KIF13A: variants seen among roughly 807,000 people sequenced by gnomAD.
KIF13A encodes kinesin-like protein KIF13A.
In KIF13A, 79 loss-of-function variants were observed where a neutral mutation model predicts 212.2. The observed-to-expected ratio is 0.37, with a 90% CI of 0.31 to 0.45. The LOEUF is 0.45. Among genes scored for constraint, KIF13A ranks in the 20% least tolerant of loss-of-function variants. KIF13A has a pLI of 1.00. For missense variants in KIF13A, 1,901 were observed against 2,209.0 expected, an observed-to-expected ratio of 0.86 and a Z score of 2.79; for synonymous variants, 789 against 808.6, an observed-to-expected ratio of 0.98 and a Z score of 0.41.
In KIF13A at chr6:17,825,602, C is replaced by T. The variant is rs115512051; in HGVS notation, c.1786+166G>A. 3.7e-3 allele frequency among the ~76,000 whole-genome samples: 566 copies of T among 152,266 alleles called. 8 individuals are homozygous for T. Among genetic ancestry groups the T allele is most frequent in the African/African-American group, 0.013 (537 of 41,558 alleles). ...AACTGAGGGAGAAGACCATCTCCCC[C>T]ACATCTTGTCATTAGTTATTCACTG... is the stretch of plus-strand genomic sequence containing the variant. On this transcript the variant is annotated intron_variant, in intron 16 of 38. Coordinates refer to ENST00000259711, the MANE Select transcript of KIF13A (RefSeq NM_022113.6). The surrounding 1 kb of genome is among the most constrained non-coding windows in gnomAD (Gnocchi z 4.5).
At position 17,987,134 on chromosome 6, in the gene KIF13A, C is replaced by T. The variant is rs769025134; in HGVS notation, c.66G>A (p.Leu22=). The T allele has an allele frequency of 1.9e-5, 31 of 1,611,984 alleles. No homozygotes were observed. In the Admixed American group the frequency reaches 5.0e-4, roughly 26 times the overall value. Residue 22 remains leucine (L), a synonymous_variant, in exon 2 of 39, where the codon CTG becomes CTA. Coordinates refer to ENST00000259711, the MANE Select transcript of KIF13A (RefSeq NM_022113.6). The surrounding 1 kb of genome is among the most constrained non-coding windows in gnomAD (Gnocchi z 7.7). ...CCATCTCCACCACGCACTTGGTGTTCAGTTCCAGTTCTGAAAGCAGAGAGA... is the reference window on the plus strand; with the variant it reads ...CCATCTCCACCACGCACTTGGTGTTTAGTTCCAGTTCTGAAAGCAGAGAGA... ...VRPMNRRELE[L]NTKCVVEMEG... is the part of the protein sequence containing the mutation.
Position 17,811,304 on chromosome 6 carries a change from T to C in KIF13A, c.2001-2374A>G, listed in dbSNP as rs528692046. Among the ~76,000 whole-genome samples the C allele has an allele frequency of 6.6e-6, 1 of 152,276 alleles. No individual in the cohort carries two copies. Among genetic ancestry groups the C allele is most frequent in the South Asian group, 2.1e-4 (1 of 4,824 alleles). ...TCACACAATCAATGCATACAATATT[T>C]ACTAAATACCTACCAGGTGACCACA... On this transcript the variant is annotated intron_variant, in intron 17 of 38. Transcript: ENST00000259711. This position sits in a 1 kb window ranked among gnomAD's most constrained non-coding sequence, Gnocchi z 6.0.
In KIF13A at chr6:17,812,167, T is replaced by C. The variant is rs1032382281; in HGVS notation, c.2001-3237A>G. On this transcript the variant is annotated intron_variant, in intron 17 of 38. Transcript: ENST00000259711. Reference sequence around the variant, plus strand: ...AAACCACCTTCTTTATCAGATACTTTTGTTTTTTAAAATTTAAATATTTTG... The same window carrying C: ...AAACCACCTTCTTTATCAGATACTTCTGTTTTTTAAAATTTAAATATTTTG... 1.4e-4 allele frequency: 22 copies of C among 152,332 alleles called. 1 individual carries two copies. The highest frequency in any genetic ancestry group is 5.3e-4 in the African/African-American group (22 of 41,570). 9.4% of individuals were successfully genotyped at this position (152,332 alleles called of 1,614,324 possible).
intron 2 of KIF13A, among the ~76,000 whole-genome samples, chr6:17,969,747 C>G (rs936273870): frequency 6.6e-6 from 1 of 152,120 alleles, no homozygotes; most frequent in Admixed American, 6.5e-5. Context: ...TACCCCAGAA[C>G]TGTTTACTTG....
intron 12 of KIF13A, among the ~76,000 whole-genome samples, chr6:17,833,658 C>A (rs895695945): frequency 6.6e-6 from 1 of 151,906 alleles, no homozygotes; most frequent in Non-Finnish European, 1.5e-5. Context: ...GAGTTTGAGA[C>A]CAGCCTGGCC....
Position 17,825,909 on chromosome 6 carries a change from G to C in KIF13A, c.1645C>G (p.Arg549Gly). ...TTTTCAAAGTCTTTCAACCAATCTC[G>C]ACGTTTCCTCTTAGGTAAGTTTATT... Reference protein sequence around the residue: ...FRINLPKRKRRDWLKDFEKET... With the variant: ...FRINLPKRKRGDWLKDFEKET... Residue 549 changes from arginine (R) to glycine (G), a missense_variant, in exon 16 of 39, where the codon CGA becomes GGA. By Grantham distance (125) the Arg-to-Gly change is moderately radical. Transcript: ENST00000259711. This position sits in a 1 kb window ranked among gnomAD's most constrained non-coding sequence, Gnocchi z 4.5. The C allele has an allele frequency of 6.2e-7, 1 of 1,613,902 alleles. No homozygotes were observed. The highest frequency in any genetic ancestry group is 8.5e-7 in the Non-Finnish European group (1 of 1,179,874).
rs1045982682 is a variant in KIF13A, at chr6:17,934,059, G to T, written c.147-35879C>A. Among the ~76,000 whole-genome samples, 3 of 152,058 alleles carry T rather than the reference G, an allele frequency of 2.0e-5. No individual in the cohort carries two copies. The highest frequency in any genetic ancestry group is 4.4e-5 in the Non-Finnish European group (3 of 68,028). ...AACTCAATTCAATCTAAATTGTGTC[G>T]TTAGGGTCAACTTTTATTTTTTTTT... is the stretch of plus-strand genomic sequence containing the variant. On this transcript the variant is annotated intron_variant, in intron 2 of 38. Transcript: ENST00000259711. The surrounding 1 kb of genome is among the most constrained non-coding windows in gnomAD (Gnocchi z 5.4).
chr6:17,960,848 C>T (rs942487689), intron 2 of KIF13A, among the ~76,000 whole-genome samples: 47 of 152,252 alleles, frequency 3.1e-4, no homozygotes, highest in Middle Eastern at 3.4e-3. Context: ...CTACTGACTT[C>T]GTCATCAAGG....
rs1411748075 is a variant in KIF13A at position 17,963,580 on chromosome 6, C to T, written c.146+23474G>A. The stretch of plus-strand genomic sequence containing the variant: ...GTTCTATATCTTTCTTTTTTTGAGA[C>T]AGAGTCTTGCTGTGTCGCCTAGGCT... On this transcript the variant is annotated intron_variant, in intron 2 of 38. Coordinates refer to ENST00000259711, the MANE Select transcript of KIF13A (RefSeq NM_022113.6). This position sits in a 1 kb window ranked among gnomAD's most constrained non-coding sequence, Gnocchi z 4.1. Among the ~76,000 whole-genome samples, 1 of 152,124 alleles carries T rather than the reference C, an allele frequency of 6.6e-6. No individual in the cohort carries two copies. The highest frequency in any genetic ancestry group is 2.4e-5 in the African/African-American group (1 of 41,422).
intron 11 of KIF13A, among the ~76,000 whole-genome samples, chr6:17,836,326 T>C (rs553001932): frequency 1.3e-5 from 2 of 152,342 alleles, no homozygotes; most frequent in East Asian, 3.9e-4. Context: ...TAATAGTTTA[T>C]AATGTTAATA....
rs1021299260 is a variant in KIF13A, at chr6:17,796,800, T to C, written c.2811A>G (p.Thr937=). The C allele has an allele frequency of 1.3e-6, 2 of 1,570,364 alleles. No homozygotes were observed. Among genetic ancestry groups the C allele is most frequent in the African/African-American group, 1.4e-5 (1 of 72,768 alleles). ...SHCKDYVVNV[T]EEFLEFISDG... ...CTGAAATGAACTCCAGAAATTCTTCTGTTACATTCACCACATAGTCCTGGG... is the reference window on the plus strand; with the variant it reads ...CTGAAATGAACTCCAGAAATTCTTCCGTTACATTCACCACATAGTCCTGGG... The change falls in exon 23 of 39, where the codon ACA becomes ACG. Residue 937 remains threonine, a synonymous_variant. Transcript: ENST00000259711.
Position 17,967,403 on chromosome 6 carries a change from A to C in KIF13A, c.146+19651T>G, listed in dbSNP as rs1779424416. 6.6e-6 allele frequency among the ~76,000 whole-genome samples: 1 copy of C among 152,242 alleles called. No individual in the cohort carries two copies. Among genetic ancestry groups the C allele is most frequent in the South Asian group, 2.1e-4 (1 of 4,834 alleles). ...TATATTTTCAAAGTGTTCAACAGTGAATGGGCATCACATTTATAATTAGAA... is the reference window on the plus strand; with the variant it reads ...TATATTTTCAAAGTGTTCAACAGTGCATGGGCATCACATTTATAATTAGAA... On this transcript the variant is annotated intron_variant, in intron 2 of 38. Coordinates refer to ENST00000259711, the MANE Select transcript of KIF13A (RefSeq NM_022113.6). This position sits in a 1 kb window ranked among gnomAD's most constrained non-coding sequence, Gnocchi z 4.1.
rs1230948298 is a variant in KIF13A at position 17,843,008 on chromosome 6, C to T, written c.831-5425G>A. Among the ~76,000 whole-genome samples, 4 of 151,930 alleles carry T rather than the reference C, an allele frequency of 2.6e-5. No individual in the cohort carries two copies. The highest frequency in any genetic ancestry group is 2.1e-4 in the South Asian group (1 of 4,806). ...TTCAAATATTATTTTACTTATTAGT[C>T]CAATAATCAGTTCTAAGATCATATA... On this transcript the variant is annotated intron_variant, in intron 9 of 38. Coordinates refer to ENST00000259711, the MANE Select transcript of KIF13A (RefSeq NM_022113.6). The surrounding 1 kb of genome is among the most constrained non-coding windows in gnomAD (Gnocchi z 5.3).
Position 17,800,747 on chromosome 6 carries a change from C to G in KIF13A, c.2455-634G>C, listed in dbSNP as rs150145912. 2.6e-3 allele frequency among the ~76,000 whole-genome samples: 393 copies of G among 152,010 alleles called. 1 individual carries two copies. The highest frequency in any genetic ancestry group is 0.01 in the Middle Eastern group (3 of 294). On this transcript the variant is annotated intron_variant, in intron 20 of 38. Transcript: ENST00000259711. Reference sequence around the variant, plus strand: ...TCCCAAGTAGCTGGGATTACAGGTGCCTGCCACCATGCCTAGCTAATTTTT... The same window carrying G: ...TCCCAAGTAGCTGGGATTACAGGTGGCTGCCACCATGCCTAGCTAATTTTT...
intron 2 of KIF13A, chr6:17,950,803 A>T (rs1777782165): frequency 2.0e-6 from 2 of 978,640 alleles, no homozygotes; most frequent in Non-Finnish European, 2.4e-6. Context: ...AAGGACTTTT[A>T]AATCTTTCTT....
intron 9 of KIF13A, among the ~76,000 whole-genome samples, chr6:17,846,604 T>TAAAA (rs11431431): frequency 3.1e-5 from 4 of 127,018 alleles, no homozygotes; most frequent in African/African-American, 3.0e-5. Flanking sequence ...CCCATTTCTT[T>TAAAA]AAAAAAAAAA....
At position 17,932,705 on chromosome 6, in the gene KIF13A, C is replaced by T. The variant is rs140577377; in HGVS notation, c.147-34525G>A. Among the ~76,000 whole-genome samples the T allele has an allele frequency of 2.1e-3, 315 of 152,052 alleles. 1 individual carries two copies. The highest frequency in any genetic ancestry group is 7.3e-3 in the African/African-American group (302 of 41,466). Reference sequence around the variant, plus strand: ...AGCACTACTGTACAGATTCCAGAAACGCTATGCAAGCTCCTACAGCTTGTA... The same window carrying T: ...AGCACTACTGTACAGATTCCAGAAATGCTATGCAAGCTCCTACAGCTTGTA... On this transcript the variant is annotated intron_variant, in intron 2 of 38. Coordinates refer to ENST00000259711, the MANE Select transcript of KIF13A (RefSeq NM_022113.6).
chr6:17,785,451 G>T lies in KIF13A; in HGVS notation c.3488+64C>A. Reference sequence around the variant, plus strand: ...GACAATCCTGGAAAGTCTCTTGCATGGCTCTTGCCACAGGCGACCTGTACC... The same window carrying T: ...GACAATCCTGGAAAGTCTCTTGCATTGCTCTTGCCACAGGCGACCTGTACC... On this transcript the variant is annotated intron_variant, in intron 28 of 38. Transcript: ENST00000259711. The surrounding 1 kb of genome is among the most constrained non-coding windows in gnomAD (Gnocchi z 5.8). 7.0e-7 allele frequency: 1 copy of T among 1,435,750 alleles called. No individual in the cohort carries two copies. 88.9% of individuals were successfully genotyped at this position (1,435,750 alleles called of 1,614,324 possible).
At chr6:17,878,200 A>G (rs1169926508) in intron 3 of KIF13A, among the ~76,000 whole-genome samples, 1 of 152,218 alleles carries the variant, frequency 6.6e-6, no homozygotes, top group Non-Finnish European at 1.5e-5. Context: ...GGGCACTGGA[A>G]AAAACTGGAG....
Sources: allele counts gnomAD v4.1 joint callset (sites outside exome capture counted in the v4.1 genomes callset), GRCh38; gene constraint gnomAD v4.1.1; non-coding constraint Gnocchi (gnomAD v3.1); transcripts MANE v1.5; gene names NCBI Gene and HGNC (gene_info 2026-07-23, HGNC 2026-07-21).